The following DENND1B variants were observed in gnomAD, a reference collection of about 807,000 sequenced individuals.
DENND1B encodes the protein DENN domain-containing protein 1B.
In DENND1B, 59 loss-of-function variants were observed where a neutral mutation model predicts 90.1. That is an observed-to-expected ratio of 0.65 (90% CI 0.53 to 0.81). The LOEUF (loss-of-function observed/expected upper bound fraction) is 0.81, where lower values mean the gene tolerates loss of function less well. Ranked by LOEUF, DENND1B falls within the 40% of genes least tolerant of loss-of-function variation. The pLI, the probability that DENND1B is intolerant of heterozygous loss-of-function variation, is 0.00. For missense variants in DENND1B, 862 were observed against 912.6 expected (o/e 0.94, Z 0.71); for synonymous variants, 337 against 324.6 (o/e 1.04, Z -0.41).
intron 15 of DENND1B, among the ~76,000 whole-genome samples, chr1:197,582,388 G>A (rs1459314298): frequency 6.6e-6 from 1 of 152,010 alleles, no homozygotes; most frequent in Non-Finnish European, 1.5e-5. Context: ...TTGTATCCTG[G>A]CCCTGAGCAC....
At chr1:197,639,531 G>C (rs1281712935) in intron 10 of DENND1B, among the ~76,000 whole-genome samples, 1 of 152,036 alleles carries the variant, frequency 6.6e-6, no homozygotes. Flanking sequence ...GTAAATAACT[G>C]AGACAAAATT....
intron 2 of DENND1B, among the ~76,000 whole-genome samples, chr1:197,757,031 T>C (rs1186689564): frequency 1.3e-5 from 2 of 151,134 alleles, no homozygotes; most frequent in Non-Finnish European, 3.0e-5. Flanking sequence ...GACACATATA[T>C]GTATATAAAA....
chr1:197,565,500 T>C (rs1364127045), intron 15 of DENND1B, among the ~76,000 whole-genome samples: 1 of 151,944 alleles, frequency 6.6e-6, no homozygotes, highest in Non-Finnish European at 1.5e-5. Flanking sequence ...TATTTTATTA[T>C]TATTATACTT....
chr1:197,694,817 T>C (rs1303992101), intron 3 of DENND1B, among the ~76,000 whole-genome samples: 1 of 151,412 alleles, frequency 6.6e-6, no homozygotes, highest in Non-Finnish European at 1.5e-5. Flanking sequence ...AAAATAGATA[T>C]AAAAACCTCA....
chr1:197,566,852 T>C (rs1672716566), intron 15 of DENND1B, among the ~76,000 whole-genome samples: 1 of 151,422 alleles, frequency 6.6e-6, no homozygotes, highest in Non-Finnish European at 1.5e-5. Flanking sequence ...AAAGAAAGAA[T>C]AGACTGAGTT....
intron 17 of DENND1B, among the ~76,000 whole-genome samples, chr1:197,546,292 A>G (rs1313650338): frequency 2.0e-5 from 3 of 152,202 alleles, no homozygotes; most frequent in Non-Finnish European, 4.4e-5. Context: ...ATATATTTAA[A>G]GCTTAATAAG....
intron 19 of DENND1B, among the ~76,000 whole-genome samples, chr1:197,540,506 C>A (rs1028702741): frequency 4.6e-5 from 7 of 152,162 alleles, no homozygotes; most frequent in African/African-American, 1.7e-4. Context: ...CTGCAATATT[C>A]ATAACTTAAA....
chr1:197,774,141 T>TA (rs1656970681), intron 1 of DENND1B, among the ~76,000 whole-genome samples: 1 of 152,206 alleles, frequency 6.6e-6, no homozygotes, highest in Non-Finnish European at 1.5e-5. Context: ...TCAAGAAGCA[T>TA]ACTATTTTTA....
intron 15 of DENND1B, among the ~76,000 whole-genome samples, chr1:197,564,992 CACATT>C (rs1488503041): frequency 2.0e-5 from 3 of 151,984 alleles, no homozygotes; most frequent in Non-Finnish European, 4.4e-5. Flanking sequence ...TCCCCCATGT[CACATT>C]ACATTTTATC....
At chr1:197,647,407 C>A (rs1680819020) in intron 7 of DENND1B, among the ~76,000 whole-genome samples, 1 of 152,028 alleles carries the variant, frequency 6.6e-6, no homozygotes, top group Non-Finnish European at 1.5e-5. Context: ...TTATAAAAAT[C>A]TCTGATTACT....
rs765047218 is a variant in DENND1B, at chr1:197,510,859, G to T, written c.1929C>A (p.Leu643=). Residue 643 remains leucine, a synonymous_variant, in exon 23 of 23, where the codon CTC becomes CTA. Transcript: ENST00000620048. ...AAACCCGCTTCCTAGGAGATGGAGG[G>T]AGGTGTTTGCCATGGAGGGCACTAT... ...QDDSALHGKH[L]PPSPRKRVSS... 1 of 1,611,522 alleles carries T rather than the reference G, an allele frequency of 6.2e-7. No homozygotes were observed. The highest frequency in any genetic ancestry group is 8.5e-7 in the Non-Finnish European group (1 of 1,178,742).
At chr1:197,735,748 C>A in intron 2 of DENND1B, 5 of 1,612,520 alleles carry the variant, frequency 3.1e-6, no homozygotes, top group Non-Finnish European at 4.2e-6. Flanking sequence ...AAATGCGAAT[C>A]GGCGTACTTT....
intron 2 of DENND1B, among the ~76,000 whole-genome samples, chr1:197,722,095 CA>C (rs1433958951): frequency 6.6e-6 from 1 of 152,044 alleles, no homozygotes; most frequent in Admixed American, 6.5e-5. Flanking sequence ...TAATGTCTTA[CA>C]ATGCTTTCTT....
chr1:197,546,219 C>T (rs1670809319), intron 17 of DENND1B, among the ~76,000 whole-genome samples: 1 of 152,108 alleles, frequency 6.6e-6, no homozygotes, highest in South Asian at 2.1e-4. Context: ...TATAATACAT[C>T]ACTTAAAAAT....
intron 16 of DENND1B, among the ~76,000 whole-genome samples, chr1:197,550,907 A>G (rs75622065): frequency 0.011 from 1,750 of 152,200 alleles, 41 homozygotes; most frequent in African/African-American, 0.04. Context: ...TTAGTGCTCA[A>G]TAAATATGAG....
chr1:197,522,590 A>G (rs564553470), intron 20 of DENND1B, among the ~76,000 whole-genome samples: 169 of 152,288 alleles, frequency 1.1e-3, no homozygotes, highest in African/African-American at 3.7e-3. Flanking sequence ...GAGACTAAGA[A>G]TCATATCTTT....
At position 197,611,972 on chromosome 1, in the gene DENND1B, G is replaced by A. The variant is rs1434335682; in HGVS notation, c.778C>T (p.Pro260Ser). 1 of 1,602,080 alleles carries A rather than the reference G, an allele frequency of 6.2e-7. No individual in the cohort carries two copies. Among genetic ancestry groups the A allele is most frequent in the Admixed American group, 1.7e-5 (1 of 59,396 alleles). Residue 260 changes from proline (P) to serine (S), a missense_variant, in exon 12 of 23, where the codon CCA becomes TCA. Pro to Ser is a moderately conservative substitution (Grantham distance 74, BLOSUM62 -1). Transcript: ENST00000620048. Reference protein sequence around the residue: ...PPHLLDYCCAPMPYLIGIHSS... With the variant: ...PPHLLDYCCASMPYLIGIHSS... ...TGTATTCCAATCAGGTATGGCATTG[G>A]GGCACTAAATTAAAAATATATATAT... is the stretch of plus-strand genomic sequence containing the variant.
upstream of DENND1B, among the ~76,000 whole-genome samples, chr1:197,777,174 A>G (rs1192266214): frequency 6.6e-6 from 1 of 152,174 alleles, no homozygotes; most frequent in Non-Finnish European, 1.5e-5. Context: ...TCCTTTCATT[A>G]TAATTAATTA....
At chr1:197,568,092 T>C (rs1672840873) in intron 15 of DENND1B, among the ~76,000 whole-genome samples, 1 of 151,932 alleles carries the variant, frequency 6.6e-6, no homozygotes, top group Non-Finnish European at 1.5e-5. Context: ...GCTCATGGCA[T>C]ATTACATGCG....
Sources: allele counts gnomAD v4.1 joint callset (sites outside exome capture counted in the v4.1 genomes callset), GRCh38; gene constraint gnomAD v4.1.1; transcripts MANE v1.5; gene names NCBI Gene and HGNC (gene_info 2026-07-23, HGNC 2026-07-21).